HS3ST2: variants seen among roughly 807,000 people sequenced by gnomAD.
HS3ST2 encodes the protein heparan sulfate-glucosamine 3-sulfotransferase 2.
Under a neutral mutation model 26.3 loss-of-function variants are expected in HS3ST2, and 17 were observed. The observed-to-expected ratio is 0.65, with a 90% CI of 0.44 to 0.97. The LOEUF is 0.97. Ranked by LOEUF, HS3ST2 falls within the 50% of genes least tolerant of loss-of-function variation. The pLI is 0.00. For missense variants in HS3ST2, 402 were observed against 501.2 expected, an observed-to-expected ratio of 0.80 and a Z score of 1.89; for synonymous variants, 237 against 219.2, an observed-to-expected ratio of 1.08 and a Z score of -0.72.
chr16:22,912,580 A>C (rs1234658201), intron 1 of HS3ST2, among the ~76,000 whole-genome samples: 1 of 152,216 alleles, frequency 6.6e-6, no homozygotes, highest in Non-Finnish European at 1.5e-5. Flanking sequence ...AGCAGTGTAC[A>C]GCAGAAGCAG....
intron 1 of HS3ST2, among the ~76,000 whole-genome samples, chr16:22,869,816 C>T (rs756735190): frequency 8.5e-5 from 13 of 152,254 alleles, no homozygotes; most frequent in Non-Finnish European, 1.6e-4. Flanking sequence ...CTAAGTTCTT[C>T]CACCTCCTGT....
intron 1 of HS3ST2, among the ~76,000 whole-genome samples, chr16:22,865,113 T>TA (rs1188007973): frequency 1.5e-5 from 2 of 137,928 alleles, no homozygotes; most frequent in African/African-American, 5.3e-5. Flanking sequence ...ATTAGAAAGA[T>TA]AAAATGCAGA....
rs749663116 is a variant in HS3ST2 at position 22,814,686 on chromosome 16, C to T, written c.76C>T (p.Leu26Phe). 8.7e-6 allele frequency: 14 copies of T among 1,602,574 alleles called. No individual in the cohort carries two copies. Among genetic ancestry groups the T allele is most frequent in the Non-Finnish European group, 1.1e-5 (13 of 1,175,782 alleles). Residue 26 changes from leucine to phenylalanine, a missense_variant, in exon 1 of 2, where the codon CTC becomes TTC. Coordinates refer to ENST00000261374, the MANE Select transcript of HS3ST2 (RefSeq NM_006043.2). ...GCGCAGGCTGCTCTTCGCCTTCACG[C>T]TCTCGCTCTCCTGCACTTACCTGTG... ...RARRLLFAFTLSLSCTYLCYS... is the reference protein window; with the variant it reads ...RARRLLFAFTFSLSCTYLCYS...
intron 1 of HS3ST2, among the ~76,000 whole-genome samples, chr16:22,849,529 G>A (rs1901490541): frequency 6.6e-6 from 1 of 152,144 alleles, no homozygotes; most frequent in African/African-American, 2.4e-5. Context: ...GCTTAACACA[G>A]CAAAAATGTG....
chr16:22,901,881 A>T (rs1266896007), intron 1 of HS3ST2, among the ~76,000 whole-genome samples: 1 of 152,202 alleles, frequency 6.6e-6, no homozygotes, highest in African/African-American at 2.4e-5. Context: ...TTTTAAAAAT[A>T]GCTTTTCATT....
At chr16:22,912,980 T>C (rs941795423) in intron 1 of HS3ST2, among the ~76,000 whole-genome samples, 26 of 152,052 alleles carry the variant, frequency 1.7e-4, no homozygotes, top group Admixed American at 1.0e-3. Flanking sequence ...TTGGGAAAGG[T>C]GTTTCTCAAC....
chr16:22,828,504 G>A (rs138568396), intron 1 of HS3ST2, among the ~76,000 whole-genome samples: 22 of 152,282 alleles, frequency 1.4e-4, no homozygotes, highest in Non-Finnish European at 3.1e-4. Context: ...GAATCTCTCC[G>A]ACTTTCCCAA....
intron 1 of HS3ST2, among the ~76,000 whole-genome samples, chr16:22,818,327 C>A (rs1282095882): frequency 6.6e-6 from 1 of 152,158 alleles, no homozygotes; most frequent in Admixed American, 6.5e-5. Context: ...CAAGTCTCAG[C>A]TTCCTCATCA....
intron 1 of HS3ST2, among the ~76,000 whole-genome samples, chr16:22,850,447 T>C (rs954351933): frequency 2.6e-5 from 4 of 152,244 alleles, no homozygotes; most frequent in Non-Finnish European, 4.4e-5. Flanking sequence ...ATTTATTATT[T>C]CTCATGGTTC....
At chr16:22,884,658 A>AT (rs1567496419) in intron 1 of HS3ST2, among the ~76,000 whole-genome samples, 109 of 145,200 alleles carry the variant, frequency 7.5e-4, no homozygotes, top group African/African-American at 2.7e-3. Context: ...ATAGAGAAAA[A>AT]AATATATATA....
intron 1 of HS3ST2, among the ~76,000 whole-genome samples, chr16:22,890,873 A>T (rs1902118056): frequency 6.6e-6 from 1 of 152,188 alleles, no homozygotes; most frequent in South Asian, 2.1e-4. Flanking sequence ...ATTAAGTAAA[A>T]GTTAGCCTTA....
intron 1 of HS3ST2, among the ~76,000 whole-genome samples, chr16:22,822,201 T>G (rs1901004121): frequency 6.6e-6 from 1 of 151,782 alleles, no homozygotes; most frequent in South Asian, 2.1e-4. Context: ...ATTTTCTTAA[T>G]TTTTTTTTGA....
Position 22,884,995 on chromosome 16 carries a change from C to A in HS3ST2, c.486-29949C>A, listed in dbSNP as rs185612848. Reference sequence around the variant, plus strand: ...AGCTAGGGTCACAGACACGTGCCACCACGCCCAGCTAATTTTTTTATTTTT... The same window carrying A: ...AGCTAGGGTCACAGACACGTGCCACAACGCCCAGCTAATTTTTTTATTTTT... On this transcript the variant is annotated intron_variant, in intron 1 of 1. Coordinates refer to ENST00000261374, the MANE Select transcript of HS3ST2 (RefSeq NM_006043.2). Among the ~76,000 whole-genome samples, 384 of 152,018 alleles carry A rather than the reference C, an allele frequency of 2.5e-3. 2 individuals carry two copies. Among genetic ancestry groups the A allele is most frequent in the African/African-American group, 9.0e-3 (372 of 41,470 alleles).
At position 22,814,652 on chromosome 16, in the gene HS3ST2, G is replaced by T; in HGVS notation, c.42G>T (p.Pro14=). 1 of 1,562,034 alleles carries T rather than the reference G, an allele frequency of 6.4e-7. No individual in the cohort carries two copies. Among genetic ancestry groups the T allele is most frequent in the Non-Finnish European group, 8.7e-7 (1 of 1,154,854 alleles). The stretch of plus-strand genomic sequence containing the variant: ...TGGGCCGCGCGGGGCCACCTCAGCC[G>T]CGGAGGGCGCGCAGGCTGCTCTTCG... ...RVLGRAGPPQ[P]RRARRLLFAF... Residue 14 remains proline (P), a synonymous_variant, in exon 1 of 2, where the codon CCG becomes CCT. Coordinates refer to ENST00000261374, the MANE Select transcript of HS3ST2 (RefSeq NM_006043.2).
At chr16:22,848,021 A>G (rs946826001) in intron 1 of HS3ST2, among the ~76,000 whole-genome samples, 1 of 152,180 alleles carries the variant, frequency 6.6e-6, no homozygotes, top group Non-Finnish European at 1.5e-5. Context: ...TTCTTGCCTG[A>G]TCAGGTCAGC....
intron 1 of HS3ST2, among the ~76,000 whole-genome samples, chr16:22,903,596 A>T (rs958155851): frequency 3.3e-5 from 5 of 152,200 alleles, no homozygotes; most frequent in African/African-American, 4.8e-5. Flanking sequence ...CCTGGCATGC[A>T]GTAGTGTATT....
intron 1 of HS3ST2, among the ~76,000 whole-genome samples, chr16:22,897,454 C>T (rs1374577888): frequency 6.6e-6 from 1 of 152,140 alleles, no homozygotes; most frequent in Non-Finnish European, 1.5e-5. Flanking sequence ...GAGTCAGAGG[C>T]TCCCAAACTT....
At chr16:22,850,219 T>C (rs996084098) in intron 1 of HS3ST2, among the ~76,000 whole-genome samples, 1 of 151,446 alleles carries the variant, frequency 6.6e-6, no homozygotes, top group Admixed American at 6.6e-5. Flanking sequence ...TTCCCTCCAA[T>C]GCAATGATAT....
At chr16:22,892,362 C>A (rs1368060726) in intron 1 of HS3ST2, among the ~76,000 whole-genome samples, 1 of 151,310 alleles carries the variant, frequency 6.6e-6, no homozygotes, top group Non-Finnish European at 1.5e-5. Context: ...GTAGACAATA[C>A]CAGAGTATCA....
Sources: allele counts gnomAD v4.1 joint callset (sites outside exome capture counted in the v4.1 genomes callset), GRCh38; gene constraint gnomAD v4.1.1; transcripts MANE v1.5; gene names NCBI Gene and HGNC (gene_info 2026-07-23, HGNC 2026-07-21).